Variants in UNC5D observed in about 807,000 individuals in gnomAD.
UNC5D encodes the protein unc-5 netrin receptor D, also known as netrin receptor UNC5D.
A neutral mutation model predicts 105.4 loss-of-function variants in UNC5D; 39 were observed. The observed-to-expected ratio is 0.37, with a 90% CI of 0.29 to 0.48. The LOEUF is 0.48. Ranked by LOEUF, UNC5D falls within the 20% of genes least tolerant of loss-of-function variation. UNC5D has a pLI of 0.98. For missense variants in UNC5D, 991 were observed against 1,202.4 expected, an observed-to-expected ratio of 0.82 and a Z score of 2.60; for synonymous variants, 452 against 450.4, an observed-to-expected ratio of 1.00 and a Z score of -0.04.
chr8:35,745,342 C>T (rs142033885), intron 11 of UNC5D, among the ~76,000 whole-genome samples: 1 of 152,218 alleles, frequency 6.6e-6, no homozygotes, highest in East Asian at 1.9e-4. Context: ...AGGCAGCACT[C>T]CAGAGTACGA....
intron 1 of UNC5D, among the ~76,000 whole-genome samples, chr8:35,352,980 G>T (rs1812347691): frequency 6.6e-6 from 1 of 152,002 alleles, no homozygotes; most frequent in Non-Finnish European, 1.5e-5. Flanking sequence ...AAAAATAGTG[G>T]ACACCTTAAA....
At chr8:35,440,577 T>G (rs141370321) in intron 1 of UNC5D, among the ~76,000 whole-genome samples, 7 of 152,106 alleles carry the variant, frequency 4.6e-5, no homozygotes, top group African/African-American at 1.4e-4. Flanking sequence ...TTTAGCAAGT[T>G]AAGTACCTAA....
chr8:35,382,269 C>A (rs939132836), intron 1 of UNC5D, among the ~76,000 whole-genome samples: 1 of 152,162 alleles, frequency 6.6e-6, no homozygotes, highest in East Asian at 1.9e-4. Flanking sequence ...TCCCCTACAG[C>A]GGTTGATGAC....
chr8:35,743,819 A>G (rs1417343878), intron 11 of UNC5D, among the ~76,000 whole-genome samples: 5 of 152,118 alleles, frequency 3.3e-5, no homozygotes, highest in African/African-American at 9.7e-5. Flanking sequence ...GAACAAGATG[A>G]CCCTTTATCC....
At chr8:35,416,713 A>G (rs1805555587) in intron 1 of UNC5D, among the ~76,000 whole-genome samples, 1 of 152,202 alleles carries the variant, frequency 6.6e-6, no homozygotes, top group Non-Finnish European at 1.5e-5. Flanking sequence ...AAGAGAAAAA[A>G]AAAATGTCCA....
chr8:35,448,634 T>C (rs1280987585), intron 1 of UNC5D, among the ~76,000 whole-genome samples: 4 of 152,120 alleles, frequency 2.6e-5, no homozygotes, highest in Non-Finnish European at 5.9e-5. Flanking sequence ...TTGTATAATA[T>C]AGAAAATACA....
intron 1 of UNC5D, among the ~76,000 whole-genome samples, chr8:35,329,432 GA>G (rs1339716793): frequency 1.3e-4 from 19 of 147,202 alleles, no homozygotes; most frequent in East Asian, 2.0e-4. Flanking sequence ...TATATATGGG[GA>G]AAAAAAAGGA....
intron 15 of UNC5D, among the ~76,000 whole-genome samples, chr8:35,769,112 G>C (rs1377496805): frequency 6.6e-6 from 1 of 152,078 alleles, no homozygotes; most frequent in Non-Finnish European, 1.5e-5. Context: ...CATTTCATTT[G>C]CTTTCGTATT....
chr8:35,420,206 T>C (rs1805804196), intron 1 of UNC5D, among the ~76,000 whole-genome samples: 1 of 151,392 alleles, frequency 6.6e-6, no homozygotes, highest in Admixed American at 6.6e-5. Context: ...TTTTGTTTCT[T>C]CTTTTTTTAC....
At chr8:35,341,440 T>G (rs75237500) in intron 1 of UNC5D, among the ~76,000 whole-genome samples, 11 of 139,416 alleles carry the variant, frequency 7.9e-5, no homozygotes, top group African/African-American at 2.5e-4. Context: ...AAGGAGCTTG[T>G]TTTTTTTTTT....
intron 1 of UNC5D, among the ~76,000 whole-genome samples, chr8:35,270,868 TAA>T (rs61641330): frequency 6.6e-6 from 1 of 150,980 alleles, no homozygotes. Flanking sequence ...GTGGCTGCAA[TAA>T]AAAAAAAATC....
At chr8:35,495,214 C>T (rs1333029570) in intron 1 of UNC5D, among the ~76,000 whole-genome samples, 1 of 152,052 alleles carries the variant, frequency 6.6e-6, no homozygotes, top group Non-Finnish European at 1.5e-5. Flanking sequence ...TGTCATACTT[C>T]AGAACAGCAG....
At chr8:35,394,552 A>C (rs1044854588) in intron 1 of UNC5D, among the ~76,000 whole-genome samples, 1 of 152,026 alleles carries the variant, frequency 6.6e-6, no homozygotes, top group Non-Finnish European at 1.5e-5. Context: ...CTGCATCTAG[A>C]TAATTTGAAA....
At chr8:35,343,692 C>T (rs1415344954) in intron 1 of UNC5D, among the ~76,000 whole-genome samples, 7 of 152,208 alleles carry the variant, frequency 4.6e-5, no homozygotes, top group Admixed American at 3.3e-4. Context: ...GATTCCCTTT[C>T]ACTATGTGGC....
intron 1 of UNC5D, among the ~76,000 whole-genome samples, chr8:35,465,212 A>G (rs4237084): frequency 0.85 from 129,598 of 152,166 alleles, 55,726 homozygotes; most frequent in Non-Finnish European, 0.92. Flanking sequence ...GCAACGTGGC[A>G]AAACACTGTC....
intron 1 of UNC5D, among the ~76,000 whole-genome samples, chr8:35,323,887 C>A (rs1362168144): frequency 1.3e-5 from 2 of 152,032 alleles, no homozygotes; most frequent in Admixed American, 6.6e-5. Flanking sequence ...AATCCCTGGT[C>A]GGTGCTCTTA....
chr8:35,484,013 T>C (rs1292177623), intron 1 of UNC5D, among the ~76,000 whole-genome samples: 1 of 152,166 alleles, frequency 6.6e-6, no homozygotes. Flanking sequence ...ATCAATTGGC[T>C]GCCTCTAGAG....
At chr8:35,510,437 T>C (rs888240533) in intron 1 of UNC5D, among the ~76,000 whole-genome samples, 63 of 151,222 alleles carry the variant, frequency 4.2e-4, no homozygotes, top group African/African-American at 1.5e-3. Context: ...TATGTTGAAA[T>C]AGATATTATC....
At chr8:35,293,964 G>T (rs1226676289) in intron 1 of UNC5D, among the ~76,000 whole-genome samples, 1 of 152,030 alleles carries the variant, frequency 6.6e-6, no homozygotes, top group Non-Finnish European at 1.5e-5. Flanking sequence ...GGTTCTGGGT[G>T]TTCAGGAGCA....
Sources: gnomAD v4.1 joint callset for allele counts (sites outside exome capture counted in the v4.1 genomes callset) on GRCh38, gnomAD v4.1.1 for gene constraint, MANE v1.5 for transcripts, NCBI Gene and HGNC (gene_info 2026-07-23, HGNC 2026-07-21) for gene names.